ROBO2: variants seen among roughly 807,000 people sequenced by gnomAD.
ROBO2 encodes roundabout guidance receptor 2, also known as roundabout homolog 2.
Under a neutral mutation model 160.8 loss-of-function variants are expected in ROBO2, and 53 were observed. The ratio of observed to expected loss-of-function variants is 0.33; its 90% CI spans 0.26 to 0.41. ROBO2 has a LOEUF of 0.41. ROBO2 is among the 10% of genes least tolerant of loss of function. The pLI, the probability that ROBO2 is intolerant of heterozygous loss-of-function variation, is 1.00. For synonymous variants in ROBO2, 664 were observed against 611.7 expected (o/e 1.09, Z -1.26); for missense variants, 1,577 against 1,722.4 (o/e 0.92, Z 1.49).
chr3:76,088,551 A>G (rs1208623487), intron 2 of ROBO2, among the ~76,000 whole-genome samples: 3 of 152,116 alleles, frequency 2.0e-5, no homozygotes, highest in African/African-American at 7.2e-5. Context: ...CACTAGGTCG[A>G]TAACAGAAAG....
chr3:76,769,711 C>T (rs528144838), intron 2 of ROBO2, among the ~76,000 whole-genome samples: 7 of 151,432 alleles, frequency 4.6e-5, no homozygotes, highest in South Asian at 4.1e-4. Flanking sequence ...TGTCTCTTGC[C>T]GTGTAGTCCA....
At chr3:76,431,824 C>T (rs1275959779) in intron 2 of ROBO2, among the ~76,000 whole-genome samples, 1 of 152,036 alleles carries the variant, frequency 6.6e-6, no homozygotes, top group Non-Finnish European at 1.5e-5. Flanking sequence ...TAAATGTGTT[C>T]ATAAATTTAT....
rs148485315 is a variant in ROBO2 at position 76,838,275 on chromosome 3, T to C, written c.110-259739T>C. On this transcript the variant is annotated intron_variant, in intron 2 of 26. Transcript: ENST00000487694. ...GGGAAAGGAGCAGAAAAGTTAACCA[T>C]TGGGTATTGGCCTTAATTCCTGGGT... Among the ~76,000 whole-genome samples the C allele has an allele frequency of 3.6e-4, 55 of 152,140 alleles. No individual in the cohort carries two copies. In the East Asian group the frequency reaches 0.01, roughly 29 times the overall value.
intron 2 of ROBO2, among the ~76,000 whole-genome samples, chr3:76,016,091 G>C (rs914201690): frequency 3.3e-5 from 5 of 152,092 alleles, no homozygotes; most frequent in African/African-American, 1.2e-4. Flanking sequence ...GGGGTACCTA[G>C]AAATGAGGAG....
chr3:76,195,020 T>A (rs1016552205), intron 2 of ROBO2, among the ~76,000 whole-genome samples: 4 of 142,896 alleles, frequency 2.8e-5, no homozygotes, highest in Non-Finnish European at 6.0e-5. Flanking sequence ...AGTTTGTCAG[T>A]TTTTTTTCCT....
chr3:77,118,986 G>C (rs1428608927), intron 2 of ROBO2, among the ~76,000 whole-genome samples: 1 of 152,156 alleles, frequency 6.6e-6, no homozygotes, highest in Non-Finnish European at 1.5e-5. Flanking sequence ...TGGGGAGTAA[G>C]GGACCTGGTG....
At chr3:76,288,122 C>T (rs914113068) in intron 2 of ROBO2, among the ~76,000 whole-genome samples, 1 of 108,840 alleles carries the variant, frequency 9.2e-6, no homozygotes, top group Non-Finnish European at 1.6e-5. Flanking sequence ...AATATACACA[C>T]CTAGTCTTTA....
chr3:77,395,216 G>C (rs555596235), intron 2 of ROBO2, among the ~76,000 whole-genome samples: 13 of 152,194 alleles, frequency 8.5e-5, no homozygotes, highest in African/African-American at 3.1e-4. Context: ...CTGTGTTCAA[G>C]CATTCTTATT....
At chr3:76,928,689 A>G (rs778557610) in intron 2 of ROBO2, among the ~76,000 whole-genome samples, 27 of 152,052 alleles carry the variant, frequency 1.8e-4, no homozygotes, top group Non-Finnish European at 3.5e-4. Flanking sequence ...TAGGCTTCCA[A>G]GAAAGCTCCT....
intron 1 of ROBO2, among the ~76,000 whole-genome samples, chr3:75,907,597 T>C (rs1946402011): frequency 6.6e-6 from 1 of 152,200 alleles, no homozygotes; most frequent in Non-Finnish European, 1.5e-5. Flanking sequence ...TATCCTTTGT[T>C]GCAAATTTGA....
At chr3:76,934,794 C>T (rs2077581550) in intron 2 of ROBO2, among the ~76,000 whole-genome samples, 1 of 152,036 alleles carries the variant, frequency 6.6e-6, no homozygotes, top group Admixed American at 6.6e-5. Flanking sequence ...AACAGGATTA[C>T]TAAGTATTAC....
chr3:77,080,754 G>A (rs560175523), intron 1 of ROBO2, among the ~76,000 whole-genome samples: 2 of 152,122 alleles, frequency 1.3e-5, no homozygotes, highest in Non-Finnish European at 2.9e-5. Context: ...GCATACAACT[G>A]CCTGTGGTAT....
At chr3:76,557,115 C>G (rs1167845637) in intron 2 of ROBO2, among the ~76,000 whole-genome samples, 2 of 152,008 alleles carry the variant, frequency 1.3e-5, no homozygotes, top group Admixed American at 6.6e-5. Flanking sequence ...ACACCAGTGA[C>G]CCTACATTTG....
intron 2 of ROBO2, among the ~76,000 whole-genome samples, chr3:77,180,713 C>T (rs1293596843): frequency 6.6e-6 from 1 of 151,756 alleles, no homozygotes; most frequent in Non-Finnish European, 1.5e-5. Context: ...CAATTTTGTA[C>T]TCTGTTTAAA....
intron 2 of ROBO2, among the ~76,000 whole-genome samples, chr3:77,449,155 C>A (rs2080874862): frequency 6.6e-6 from 1 of 151,832 alleles, no homozygotes; most frequent in Non-Finnish European, 1.5e-5. Context: ...TTAAAATTAA[C>A]ATTATTAAAT....
intron 2 of ROBO2, among the ~76,000 whole-genome samples, chr3:76,622,255 A>C (rs892349774): frequency 4.0e-5 from 2 of 49,954 alleles, no homozygotes; most frequent in African/African-American, 1.6e-4. Flanking sequence ...AGAAAGAAAG[A>C]AAGAAAGAAA....
chr3:77,302,294 T>A (rs985751569), intron 2 of ROBO2, among the ~76,000 whole-genome samples: 5 of 152,160 alleles, frequency 3.3e-5, no homozygotes, highest in Non-Finnish European at 5.9e-5. Flanking sequence ...ACCTATCTCA[T>A]AGGGTGGTTG....
At position 76,413,504 on chromosome 3, in the gene ROBO2, A is replaced by G. The variant is rs552627750; in HGVS notation, c.109+475902A>G. On this transcript the variant is annotated intron_variant, in intron 2 of 26. Transcript: ENST00000487694. ...TCACCTCTTGAATGCTTTGCTGCTT[A>G]GAAAGTTCTTCTGCCAGATACCCTA... is the stretch of plus-strand genomic sequence containing the variant. Among the ~76,000 whole-genome samples the G allele has an allele frequency of 9.8e-5, 15 of 152,318 alleles. No individual in the cohort carries two copies. In the East Asian group the frequency reaches 1.5e-3, roughly 16 times the overall value.
chr3:76,725,689 G>A lies in ROBO2; in HGVS notation c.110-372325G>A, dbSNP rs369914561. ...ACGTAGTCATATTTTGGCCTTTGGA[G>A]CAGCCAAAGTTCTAGTTGGATCAAA... On this transcript the variant is annotated intron_variant, in intron 2 of 26. Coordinates refer to the ROBO2 transcript ENST00000487694. Among the ~76,000 whole-genome samples the A allele has an allele frequency of 5.9e-5, 9 of 152,230 alleles. No homozygotes were observed. The East Asian group carries it at 1.4e-3, about 23-fold the overall frequency.
Sources: gnomAD v4.1 joint callset for allele counts (sites outside exome capture counted in the v4.1 genomes callset) on GRCh38, gnomAD v4.1.1 for gene constraint, MANE v1.5 for transcripts, NCBI Gene and HGNC (gene_info 2026-07-23, HGNC 2026-07-21) for gene names.